The following STIM2 variants were observed in gnomAD, a reference collection of about 807,000 sequenced individuals.
STIM2 encodes stromal interaction molecule 2.
STIM2 carries 31 observed loss-of-function variants against 85.8 expected under a neutral mutation model. That is an observed-to-expected ratio of 0.36 (90% CI 0.27 to 0.49). The LOEUF (loss-of-function observed/expected upper bound fraction) is 0.49, where lower values mean the gene tolerates loss of function less well. Among genes scored for constraint, STIM2 ranks in the 20% least tolerant of loss-of-function variants. STIM2 has a pLI of 0.98. For synonymous variants in STIM2, 356 were observed against 331.1 expected, an observed-to-expected ratio of 1.08 and a Z score of -0.82; for missense variants, 841 against 927.6, an observed-to-expected ratio of 0.91 and a Z score of 1.21.
chr4:26,921,993 A>G (rs1174953202), intron 2 of STIM2, among the ~76,000 whole-genome samples: 1 of 152,228 alleles, frequency 6.6e-6, no homozygotes, highest in Non-Finnish European at 1.5e-5. Context: ...ACCACCGACT[A>G]TATGATAATT....
intron 1 of STIM2, chr4:26,861,584 C>A: frequency 3.5e-6 from 2 of 575,950 alleles, no homozygotes; most frequent in African/African-American, 1.9e-5. Context: ...CTCTCGACGG[C>A]ACTGATTCCC....
intron 3 of STIM2, among the ~76,000 whole-genome samples, chr4:26,981,259 A>C (rs144152507): frequency 7.2e-4 from 109 of 152,294 alleles, no homozygotes; most frequent in African/African-American, 2.3e-3. Flanking sequence ...TGTGCTGAGG[A>C]TTAAATGAGT....
intron 1 of STIM2, among the ~76,000 whole-genome samples, chr4:26,916,544 T>C (rs1197524094): frequency 6.6e-6 from 1 of 152,212 alleles, no homozygotes; most frequent in African/African-American, 2.4e-5. Context: ...AATCTGATTG[T>C]GTTATTCCCC....
At chr4:27,015,851 C>T (rs1577499040) in intron 10 of STIM2, among the ~76,000 whole-genome samples, 1 of 132,200 alleles carries the variant, frequency 7.6e-6, no homozygotes, top group Non-Finnish European at 1.6e-5. Context: ...TGTCTTTTAT[C>T]AGTTCTGAAA....
chr4:26,916,495 T>C lies in STIM2; in HGVS notation c.152-3009T>C, dbSNP rs373420336. ...AGAGGGATCTGGTGAATTGCCATCA[T>C]CCCATTCCATTGTCACCAGAGTTAT... On this transcript the variant is annotated intron_variant, in intron 1 of 11. Coordinates refer to ENST00000467087, the MANE Select transcript of STIM2 (RefSeq NM_020860.4). Among the ~76,000 whole-genome samples, 6 of 152,298 alleles carry C rather than the reference T, an allele frequency of 3.9e-5. No homozygotes were observed. The East Asian group carries it at 7.7e-4, about 20-fold the overall frequency.
intron 2 of STIM2, among the ~76,000 whole-genome samples, chr4:26,927,913 TAGTC>T (rs1287808329): frequency 6.7e-6 from 1 of 149,078 alleles, no homozygotes; most frequent in Non-Finnish European, 1.5e-5. Flanking sequence ...ATATATTTCT[TAGTC>T]TGGTGCTGCT....
At position 26,908,853 on chromosome 4, in the gene STIM2, C is replaced by G. The variant is rs1020061802; in HGVS notation, c.152-10651C>G. Among the ~76,000 whole-genome samples the G allele has an allele frequency of 1.6e-4, 24 of 152,138 alleles. 1 individual carries two copies. Among genetic ancestry groups the G allele is most frequent in the Non-Finnish European group, 2.9e-4 (20 of 68,022 alleles). On this transcript the variant is annotated intron_variant, in intron 1 of 11. Coordinates refer to ENST00000467087, the MANE Select transcript of STIM2 (RefSeq NM_020860.4). ...TTATCCTCTCTCTTTGTATTTTAGA[C>G]TATATTTGGTTTTGGAATCAGTCAA...
At chr4:26,893,257 C>T (rs900329236) in intron 1 of STIM2, among the ~76,000 whole-genome samples, 1 of 152,206 alleles carries the variant, frequency 6.6e-6, no homozygotes, top group Non-Finnish European at 1.5e-5. Flanking sequence ...AGTTCCCCCT[C>T]CCCATAGTCC....
intron 3 of STIM2, among the ~76,000 whole-genome samples, chr4:26,960,258 A>G (rs1330453135): frequency 1.3e-5 from 2 of 152,208 alleles, no homozygotes; most frequent in African/African-American, 4.8e-5. Context: ...AGAGATTAGA[A>G]TGTACCCCTA....
At chr4:26,872,468 GTAAA>G (rs1227343153) in intron 1 of STIM2, among the ~76,000 whole-genome samples, 1 of 152,126 alleles carries the variant, frequency 6.6e-6, no homozygotes, top group Non-Finnish European at 1.5e-5. Flanking sequence ...ATACTGAAAA[GTAAA>G]TATAGAAAAT....
At chr4:26,920,619 T>C (rs1201790216) in intron 2 of STIM2, among the ~76,000 whole-genome samples, 1 of 152,208 alleles carries the variant, frequency 6.6e-6, no homozygotes, top group African/African-American at 2.4e-5. Flanking sequence ...TGACAGTGTC[T>C]AGTAACATTG....
chr4:26,931,008 G>A (rs1020174637), intron 2 of STIM2, among the ~76,000 whole-genome samples: 1 of 152,066 alleles, frequency 6.6e-6, no homozygotes, highest in Non-Finnish European at 1.5e-5. Context: ...GTCATCTCAA[G>A]GCCTGATTAG....
intron 1 of STIM2, among the ~76,000 whole-genome samples, chr4:26,913,206 A>G (rs1241468714): frequency 1.3e-5 from 2 of 152,226 alleles, no homozygotes; most frequent in Non-Finnish European, 2.9e-5. Flanking sequence ...TGTAAAAGTC[A>G]GGCAAAGTAT....
intron 11 of STIM2, chr4:27,021,089 G>C: frequency 6.6e-7 from 1 of 1,525,734 alleles, no homozygotes; most frequent in Non-Finnish European, 8.8e-7. Context: ...TGTGATCCCT[G>C]TTCTTTAATA....
chr4:26,878,135 A>G (rs1383117160), intron 1 of STIM2, among the ~76,000 whole-genome samples: 2 of 152,244 alleles, frequency 1.3e-5, no homozygotes, highest in African/African-American at 4.8e-5. Flanking sequence ...GGCAGCTATC[A>G]GCAACATCCT....
intron 1 of STIM2, among the ~76,000 whole-genome samples, chr4:26,902,072 G>A (rs1159856776): frequency 2.0e-5 from 3 of 152,050 alleles, no homozygotes; most frequent in African/African-American, 7.2e-5. Context: ...GGAATGGGAG[G>A]CACTGAAGGG....
rs1205504484 is a variant in STIM2 at position 26,861,060 on chromosome 4, G to T, written c.-159G>T. On this transcript the variant is annotated 5_prime_UTR_variant, in exon 1 of 12. It introduces an in-frame stop codon into an upstream open reading frame of the 5' UTR. Coordinates refer to ENST00000467087, the MANE Select transcript of STIM2 (RefSeq NM_020860.4). ...TCTGAGGCGGCGGGGGCGGCCGGAG[G>T]AGTCGCCGGCGGCGGTGGTGGCGCC... 3 of 1,185,998 alleles carry T rather than the reference G, an allele frequency of 2.5e-6. No homozygotes were observed. The highest frequency in any genetic ancestry group is 2.1e-6 in the Non-Finnish European group (2 of 960,592). The allele number at this position is 1,185,998 out of a possible 1,614,324, so 73.5% of individuals were successfully genotyped here.
At chr4:26,881,152 G>A (rs982019233) in intron 1 of STIM2, among the ~76,000 whole-genome samples, 1 of 152,138 alleles carries the variant, frequency 6.6e-6, no homozygotes, top group Non-Finnish European at 1.5e-5. Context: ...TTATGAATGG[G>A]ATTAGTGCCC....
At chr4:26,874,064 G>C (rs1722727618) in intron 1 of STIM2, 1 of 648,376 alleles carries the variant, frequency 1.5e-6, no homozygotes. Flanking sequence ...TCTGGGACTT[G>C]GCACCTGAGG....
Sources: gnomAD v4.1 joint callset for allele counts (sites outside exome capture counted in the v4.1 genomes callset) on GRCh38, gnomAD v4.1.1 for gene constraint, MANE v1.5 for transcripts, NCBI Gene and HGNC (gene_info 2026-07-23, HGNC 2026-07-21) for gene names.